LHPP: variants seen among roughly 807,000 people sequenced by gnomAD.
The protein encoded by LHPP is hLHPP.
In LHPP, 24 loss-of-function variants were observed where a neutral mutation model predicts 30.3. The ratio of observed to expected loss-of-function variants is 0.79; its 90% CI spans 0.57 to 1.11. The LOEUF is 1.11. Ranked by LOEUF, LHPP falls within the 50% of genes most tolerant of loss-of-function variation. The pLI is 0.00. For missense variants in LHPP, 356 were observed against 367.2 expected (o/e 0.97, Z 0.25); for synonymous variants, 150 against 157.1 (o/e 0.95, Z 0.34).
rs1949228693 is a variant in LHPP at position 124,613,384 on chromosome 10, T to C, written c.*24T>C. ...GATGGCCTCCTGGGAGAGCCCCGCC[T>C]CCTCCACCCCTGCCTCTCCTCCACC... is the stretch of plus-strand genomic sequence containing the variant. On this transcript the variant is annotated 3_prime_UTR_variant, in exon 7 of 7. Coordinates refer to ENST00000368842, the MANE Select transcript of LHPP (RefSeq NM_022126.4). 4.6e-6 allele frequency: 6 copies of C among 1,317,840 alleles called. No homozygotes were observed. The highest frequency in any genetic ancestry group is 4.3e-5 in the African/African-American group (3 of 69,546). 81.6% of individuals were successfully genotyped at this position (1,317,840 alleles called of 1,614,324 possible).
In LHPP at chr10:124,540,452, C is replaced by G. The variant is rs1955154633; in HGVS notation, c.716+23181C>G. Reference sequence around the variant, plus strand: ...CCACTGCCTGGAGCCGCTCGCCCACCAACCCCACTGACGGCTCTCAGTTTC... The same window carrying G: ...CCACTGCCTGGAGCCGCTCGCCCACGAACCCCACTGACGGCTCTCAGTTTC... On this transcript the variant is annotated intron_variant, in intron 6 of 6. Transcript: ENST00000368842. Among the ~76,000 whole-genome samples, 3 of 152,262 alleles carry G rather than the reference C, an allele frequency of 2.0e-5. No individual in the cohort carries two copies. The South Asian group carries it at 6.2e-4, about 31-fold the overall frequency.
At chr10:124,543,005 C>A (rs6597836) in intron 6 of LHPP, among the ~76,000 whole-genome samples, 130,490 of 152,156 alleles carry the variant, frequency 0.86, 56,156 homozygotes, top group East Asian at 1. Context: ...CCCTGCACTG[C>A]GTGTGCCCTG....
chr10:124,492,561 G>A (rs947016722), intron 3 of LHPP, among the ~76,000 whole-genome samples: 3 of 152,146 alleles, frequency 2.0e-5, no homozygotes, highest in East Asian at 3.8e-4. Flanking sequence ...CCCACATTGC[G>A]GAAGGGAATG....
At chr10:124,542,152 G>A (rs537173952) in intron 6 of LHPP, among the ~76,000 whole-genome samples, 34 of 152,266 alleles carry the variant, frequency 2.2e-4, no homozygotes, top group Non-Finnish European at 4.0e-4. Context: ...AGCACCTGGG[G>A]CAGTCTGGGG....
At chr10:124,600,888 G>A (rs11599414) in intron 6 of LHPP, among the ~76,000 whole-genome samples, 12,939 of 152,290 alleles carry the variant, frequency 0.085, 645 homozygotes, top group Admixed American at 0.14. Context: ...GGCCACTAAC[G>A]GAATGTCCCT....
In LHPP at chr10:124,496,858, C is replaced by G. The variant is rs1447970216; in HGVS notation, c.468-103C>G. 3.9e-6 allele frequency: 4 copies of G among 1,036,112 alleles called. No individual in the cohort carries two copies. The African/African-American group carries it at 6.5e-5, about 17-fold the overall frequency. 64.2% of individuals were successfully genotyped at this position (1,036,112 alleles called of 1,614,324 possible). A position where few individuals can be genotyped will look rare whatever the true frequency, so the allele number is the denominator to read the frequency against. On this transcript the variant is annotated intron_variant, in intron 3 of 6. Coordinates refer to ENST00000368842, the MANE Select transcript of LHPP (RefSeq NM_022126.4). The surrounding 1 kb of genome is among the most constrained non-coding windows in gnomAD (Gnocchi z 4.3). ...ACTGCCCCTCAGCCGCGGCTTGGCT[C>G]TGCAGCCAGCGGGACAGGCCCGGTG...
rs907117558 is a variant in LHPP at position 124,613,460 on chromosome 10, A to G, written c.*100A>G. On this transcript the variant is annotated 3_prime_UTR_variant, in exon 7 of 7. Coordinates refer to ENST00000368842, the MANE Select transcript of LHPP (RefSeq NM_022126.4). ...TCCTCCACCCGCCCAGGAGAGCCCCACCTCCTCCACCCCTGCCTCTCCTCC... is the reference window on the plus strand; with the variant it reads ...TCCTCCACCCGCCCAGGAGAGCCCCGCCTCCTCCACCCCTGCCTCTCCTCC... 2.5e-5 allele frequency: 13 copies of G among 516,220 alleles called. No homozygotes were observed. The highest frequency in any genetic ancestry group is 5.2e-4 in the Middle Eastern group (1 of 1,920). The allele number at this position is 516,220 out of a possible 1,614,324, so 32.0% of individuals were successfully genotyped here.
At chr10:124,465,133 A>G (rs1350870333) in intron 1 of LHPP, among the ~76,000 whole-genome samples, 1 of 152,162 alleles carries the variant, frequency 6.6e-6, no homozygotes, top group Non-Finnish European at 1.5e-5. Context: ...GGGTCGGGAC[A>G]GCTCTGAGGA....
rs1173738475 is a variant in LHPP, at chr10:124,590,535, C to T, written c.717-22729C>T. ...GCTCTCCTGCCAAGCCCCCACCCAGCACCTGTCCCTTGTGTCATGACTGGA... is the reference window on the plus strand; with the variant it reads ...GCTCTCCTGCCAAGCCCCCACCCAGTACCTGTCCCTTGTGTCATGACTGGA... On this transcript the variant is annotated intron_variant, in intron 6 of 6. Coordinates refer to ENST00000368842, the MANE Select transcript of LHPP (RefSeq NM_022126.4). This position sits in a 1 kb window ranked among gnomAD's most constrained non-coding sequence, Gnocchi z 4.3. Among the ~76,000 whole-genome samples, 1 of 152,188 alleles carries T rather than the reference C, an allele frequency of 6.6e-6. No individual in the cohort carries two copies. Among genetic ancestry groups the T allele is most frequent in the Non-Finnish European group, 1.5e-5 (1 of 68,032 alleles).
chr10:124,560,677 G>A (rs1229258088), intron 6 of LHPP, among the ~76,000 whole-genome samples: 4 of 152,192 alleles, frequency 2.6e-5, no homozygotes, highest in Non-Finnish European at 5.9e-5. Flanking sequence ...GGCACTAGCC[G>A]GGGACGAGGG....
intron 6 of LHPP, among the ~76,000 whole-genome samples, chr10:124,545,345 C>T (rs187190835): frequency 1.4e-3 from 212 of 152,346 alleles, no homozygotes; most frequent in African/African-American, 4.8e-3. Context: ...CATAGACTTC[C>T]GCCTGGTCCC....
intron 6 of LHPP, among the ~76,000 whole-genome samples, chr10:124,594,058 G>A (rs10901777): frequency 0.2 from 30,404 of 152,062 alleles, 3,485 homozygotes; most frequent in East Asian, 0.34. Flanking sequence ...AGCATCGGCC[G>A]GACGTGGGGG....
intron 5 of LHPP, among the ~76,000 whole-genome samples, chr10:124,502,754 ACCT>A (rs1304262419): frequency 1.5e-5 from 2 of 135,396 alleles, no homozygotes; most frequent in East Asian, 2.1e-4. Flanking sequence ...GCTCACTGCA[ACCT>A]CCTCCACCTC....
chr10:124,575,362 A>C (rs1483080266), intron 6 of LHPP, among the ~76,000 whole-genome samples: 1 of 152,158 alleles, frequency 6.6e-6, no homozygotes, highest in Non-Finnish European at 1.5e-5. Context: ...GGACAGGCAC[A>C]CTGGGGCTTA....
intron 6 of LHPP, among the ~76,000 whole-genome samples, chr10:124,518,248 T>C (rs1361632453): frequency 6.6e-6 from 1 of 152,192 alleles, no homozygotes; most frequent in Non-Finnish European, 1.5e-5. Flanking sequence ...GTATGACATA[T>C]GGGCCTTCTT....
chr10:124,573,432 C>A (rs1482370773), intron 6 of LHPP, among the ~76,000 whole-genome samples: 1 of 152,216 alleles, frequency 6.6e-6, no homozygotes, highest in African/African-American at 2.4e-5. Flanking sequence ...CCGCCTCAGC[C>A]TCCCAAGTAG....
At chr10:124,594,199 G>A (rs1046834548) in intron 6 of LHPP, among the ~76,000 whole-genome samples, 1 of 151,934 alleles carries the variant, frequency 6.6e-6, no homozygotes, top group African/African-American at 2.4e-5. Context: ...GCATGATGGT[G>A]CATGCCTATA....
intron 5 of LHPP, among the ~76,000 whole-genome samples, chr10:124,501,149 A>C (rs1011902242): frequency 6.6e-6 from 1 of 151,980 alleles, no homozygotes; most frequent in Admixed American, 6.5e-5. Flanking sequence ...GAAGCCAAAC[A>C]CAAAAGGACA....
chr10:124,518,838 G>T lies in LHPP; in HGVS notation c.716+1567G>T, dbSNP rs189589818. ...TGCCCACCCTACGCCAGCAAGGGTTGGTGCTTTTCAGATTCCGGTTACCTG... is the reference window on the plus strand; with the variant it reads ...TGCCCACCCTACGCCAGCAAGGGTTTGTGCTTTTCAGATTCCGGTTACCTG... On this transcript the variant is annotated intron_variant, in intron 6 of 6. Coordinates refer to ENST00000368842, the MANE Select transcript of LHPP (RefSeq NM_022126.4). Among the ~76,000 whole-genome samples the T allele has an allele frequency of 2.1e-3, 327 of 152,338 alleles. 2 individuals are homozygous for T. The highest frequency in any genetic ancestry group is 7.5e-3 in the African/African-American group (310 of 41,588).
Sources: allele counts gnomAD v4.1 joint callset (sites outside exome capture counted in the v4.1 genomes callset), GRCh38; gene constraint gnomAD v4.1.1; non-coding constraint Gnocchi (gnomAD v3.1); transcripts MANE v1.5; gene names NCBI Gene and HGNC (gene_info 2026-07-23, HGNC 2026-07-21).